The following GLIS3 variants were observed in gnomAD, a reference collection of about 807,000 sequenced individuals.
GLIS3 encodes the protein GLIS family zinc finger 3.
In GLIS3, 53 loss-of-function variants were observed where a neutral mutation model predicts 78.6. The observed-to-expected ratio is 0.67, with a 90% CI of 0.54 to 0.85. The LOEUF (loss-of-function observed/expected upper bound fraction) is 0.85, where lower values mean the gene tolerates loss of function less well. Among genes scored for constraint, GLIS3 ranks in the 40% least tolerant of loss-of-function variants. GLIS3 has a pLI of 0.00. For missense variants in GLIS3, 1,703 were observed against 1,231.1 expected (o/e 1.38, Z -5.74); for synonymous variants, 684 against 509.9 (o/e 1.34, Z -4.60).
At chr9:3,991,743 T>G (rs1272827039) in intron 4 of GLIS3, among the ~76,000 whole-genome samples, 5 of 137,646 alleles carry the variant, frequency 3.6e-5, no homozygotes, top group Admixed American at 8.3e-5. Context: ...CAGGCTGGAG[T>G]GCAGTGGTGG....
intron 2 of GLIS3, among the ~76,000 whole-genome samples, chr9:4,142,149 A>C (rs1833861834): frequency 6.6e-6 from 1 of 152,210 alleles, no homozygotes; most frequent in Admixed American, 6.5e-5. Flanking sequence ...ACCATAATAC[A>C]TATTGATGCC....
intron 4 of GLIS3, among the ~76,000 whole-genome samples, chr9:3,995,306 G>C (rs1820657101): frequency 6.6e-6 from 1 of 152,068 alleles, no homozygotes. Flanking sequence ...TTCATATAGA[G>C]TTAATATAGT....
intron 4 of GLIS3, among the ~76,000 whole-genome samples, chr9:4,090,777 C>A (rs10974327): frequency 3.9e-5 from 6 of 152,082 alleles, no homozygotes; most frequent in African/African-American, 1.2e-4. Context: ...GTAAACATAG[C>A]ACAAAACACA....
intron 9 of GLIS3, among the ~76,000 whole-genome samples, chr9:3,845,350 C>G (rs1452493819): frequency 1.3e-5 from 2 of 152,028 alleles, no homozygotes. Flanking sequence ...ATTTTTATAA[C>G]AGGGCATATG....
At chr9:4,383,578 A>G in the GLIS3 span, among the ~76,000 whole-genome samples, 2 of 151,458 alleles carry the variant, frequency 1.3e-5, no homozygotes, top group African/African-American at 2.4e-5. Context: ...AAACCTGGCT[A>G]TATTTCAACA....
chr9:4,075,656 T>C (rs1827985995), intron 4 of GLIS3, among the ~76,000 whole-genome samples: 1 of 151,692 alleles, frequency 6.6e-6, no homozygotes, highest in East Asian at 1.9e-4. Context: ...AAAGAGTTTT[T>C]AGGATATTTG....
At chr9:3,958,306 G>A (rs759540872) in intron 4 of GLIS3, among the ~76,000 whole-genome samples, 2 of 152,128 alleles carry the variant, frequency 1.3e-5, no homozygotes, top group South Asian at 4.1e-4. Flanking sequence ...CGTCTAGTAT[G>A]CATGTGCTAT....
intron 1 of GLIS3, among the ~76,000 whole-genome samples, chr9:4,289,454 G>A (rs954984112): frequency 6.6e-6 from 1 of 152,066 alleles, no homozygotes; most frequent in African/African-American, 2.4e-5. Flanking sequence ...TGTTGTCTAT[G>A]GGCAATACTA....
At chr9:4,423,155 A>G in the GLIS3 span, among the ~76,000 whole-genome samples, 1 of 152,084 alleles carries the variant, frequency 6.6e-6, no homozygotes, top group Non-Finnish European at 1.5e-5. Context: ...TTCCCAGCCC[A>G]GTTCATCACC....
chr9:4,158,812 C>T (rs17276232), intron 2 of GLIS3, among the ~76,000 whole-genome samples: 3,727 of 152,024 alleles, frequency 0.025, 58 homozygotes, highest in Middle Eastern at 0.034. Context: ...TTCAAATAAG[C>T]GTAAGTGCCA....
At chr9:3,968,560 A>G (rs562235247) in intron 4 of GLIS3, among the ~76,000 whole-genome samples, 9 of 152,336 alleles carry the variant, frequency 5.9e-5, no homozygotes, top group African/African-American at 2.2e-4. Context: ...AAATTATATA[A>G]GAAAGCTAAG....
At chr9:3,923,302 G>A (rs940693275) in intron 6 of GLIS3, among the ~76,000 whole-genome samples, 6 of 152,036 alleles carry the variant, frequency 3.9e-5, no homozygotes, top group African/African-American at 7.3e-5. Flanking sequence ...TTCCTTTGTC[G>A]ACCTTTTTAC....
intron 2 of GLIS3, among the ~76,000 whole-genome samples, chr9:4,269,834 G>A (rs965888769): frequency 1.7e-4 from 26 of 152,188 alleles, no homozygotes; most frequent in African/African-American, 5.1e-4. Flanking sequence ...CAGGACGGGA[G>A]AAACAAACAA....
intron 6 of GLIS3, among the ~76,000 whole-genome samples, chr9:3,917,029 A>G (rs1332708516): frequency 1.3e-5 from 2 of 152,322 alleles, no homozygotes; most frequent in African/African-American, 2.4e-5. Context: ...CTTACAAACC[A>G]GTGTTTGTAG....
intron 1 of GLIS3, among the ~76,000 whole-genome samples, chr9:4,347,649 A>T (rs1817912634): frequency 6.6e-6 from 1 of 152,212 alleles, no homozygotes; most frequent in African/African-American, 2.4e-5. Context: ...TCTTTCAAAT[A>T]ATCCAGAGTG....
Position 4,167,463 on chromosome 9 carries a change from C to T in GLIS3, c.389-41522G>A, listed in dbSNP as rs868306922. On this transcript the variant is annotated intron_variant, in intron 2 of 10. Transcript: ENST00000381971. ...TCACATATATCCTCACATAAGCCTG[C>T]CACTCTGTGAGTCTAGCAGGCTCTG... is the stretch of plus-strand genomic sequence containing the variant. 1.7e-4 allele frequency among the ~76,000 whole-genome samples: 26 copies of T among 152,258 alleles called. 1 individual carries two copies. The Middle Eastern group carries it at 0.014, about 80-fold the overall frequency.
At chr9:3,932,281 T>G (rs1825669119) in intron 6 of GLIS3, 79 bp downstream of exon 6, 6 of 1,065,278 alleles carry the variant, frequency 5.6e-6, no homozygotes, top group Non-Finnish European at 8.8e-6. Context: ...GAATTTCAAG[T>G]GCCCTGCAGA....
chr9:4,208,747 G>C (rs1586982512), intron 2 of GLIS3, among the ~76,000 whole-genome samples: 1 of 152,220 alleles, frequency 6.6e-6, no homozygotes, highest in East Asian at 1.9e-4. Flanking sequence ...TAGGTGTCCA[G>C]TTTTGCCCAA....
chr9:4,478,370 G>A, the GLIS3 span, among the ~76,000 whole-genome samples: 1 of 152,290 alleles, frequency 6.6e-6, no homozygotes, highest in Middle Eastern at 3.4e-3. Context: ...CCAGCAATTT[G>A]GGAGGCCAAG....
Sources: gnomAD v4.1 joint callset for allele counts (sites outside exome capture counted in the v4.1 genomes callset) on GRCh38, gnomAD v4.1.1 for gene constraint, MANE v1.5 for transcripts, NCBI Gene and HGNC (gene_info 2026-07-23, HGNC 2026-07-21) for gene names.